Variants in ST7 observed in about 807,000 individuals in gnomAD.
ST7 encodes the protein suppression of tumorigenicity 7.
ST7 carries 28 observed loss-of-function variants against 78.7 expected under a neutral mutation model. That is an observed-to-expected ratio of 0.36 (90% confidence interval 0.26 to 0.49). The LOEUF is 0.49. Ranked by LOEUF, ST7 falls within the 20% of genes least tolerant of loss-of-function variation. The pLI is 0.99. For missense variants in ST7, 418 were observed against 696.0 expected (o/e 0.60, Z 4.49); for synonymous variants, 247 against 249.6 (o/e 0.99, Z 0.10).
intron 15 of ST7, among the ~76,000 whole-genome samples, 162 bp from the exon 16 acceptor site, chr7:117,229,600 T>C (rs1563185521): frequency 6.6e-6 from 1 of 152,216 alleles, no homozygotes; most frequent in East Asian, 1.9e-4. Context: ...AATGCAGGTT[T>C]GACCATCAGC....
intron 1 of ST7, among the ~76,000 whole-genome samples, chr7:117,031,816 ATATATCTATATC>A (rs71148360): frequency 0.5 from 19,882 of 40,090 alleles, 4,858 homozygotes; most frequent in Non-Finnish European, 0.53. Flanking sequence ...ATATATATGC[ATATATCTATATC>A]TATATCTATA....
chr7:117,046,656 T>G (rs1797507520), intron 1 of ST7, among the ~76,000 whole-genome samples: 1 of 152,148 alleles, frequency 6.6e-6, no homozygotes, highest in South Asian at 2.1e-4. Context: ...CTATACCATA[T>G]AACAAGTAAA....
chr7:117,002,913 C>T (rs1194885853), intron 1 of ST7, among the ~76,000 whole-genome samples: 2 of 138,572 alleles, frequency 1.4e-5, no homozygotes, highest in Non-Finnish European at 3.0e-5. Flanking sequence ...AACTCTGCCT[C>T]CCAGGTTCAA....
rs565594551 is a variant in ST7 at position 117,161,014 on chromosome 7, A to C, written c.964-9848A>C. On this transcript the variant is annotated intron_variant, in intron 9 of 15. Transcript: ENST00000323984. ...AGTTATTATCTTGATATTATTATAG[A>C]ATTCAAGTACAGAGTATTAAAATCT... Among the ~76,000 whole-genome samples the C allele has an allele frequency of 5.3e-5, 8 of 152,288 alleles. 1 individual carries two copies. The South Asian group carries it at 1.7e-3, about 32-fold the overall frequency.
At chr7:117,012,645 A>G (rs1795434462) in intron 1 of ST7, among the ~76,000 whole-genome samples, 1 of 152,030 alleles carries the variant, frequency 6.6e-6, no homozygotes, top group Non-Finnish European at 1.5e-5. Context: ...AAGATAATCT[A>G]TCTAGTAAGT....
intron 1 of ST7, among the ~76,000 whole-genome samples, chr7:117,005,071 A>G (rs1795100736): frequency 1.3e-5 from 2 of 152,214 alleles, no homozygotes; most frequent in Non-Finnish European, 2.9e-5. Context: ...GTTCCTTATG[A>G]TATCATCTGT....
intron 9 of ST7, among the ~76,000 whole-genome samples, chr7:117,151,380 T>A (rs1806235201): frequency 6.6e-6 from 1 of 152,174 alleles, no homozygotes; most frequent in Non-Finnish European, 1.5e-5. Flanking sequence ...GCTTGCTTGA[T>A]CCTTTCTTAG....
chr7:116,973,812 C>T (rs1385784083), intron 1 of ST7, among the ~76,000 whole-genome samples: 1 of 152,072 alleles, frequency 6.6e-6, no homozygotes, highest in Non-Finnish European at 1.5e-5. Flanking sequence ...TGTAGATATA[C>T]TTAATTTAAT....
intron 1 of ST7, among the ~76,000 whole-genome samples, chr7:117,034,037 C>G (rs920708458): frequency 3.3e-5 from 5 of 152,084 alleles, no homozygotes; most frequent in African/African-American, 9.7e-5. Context: ...AACCTCTGGG[C>G]TCTTGGTGAT....
intron 10 of ST7, among the ~76,000 whole-genome samples, chr7:117,172,141 CTG>C (rs1228205261): frequency 6.6e-6 from 1 of 151,976 alleles, no homozygotes; most frequent in Admixed American, 6.6e-5. Context: ...TTTGTAGAGA[CTG>C]GTTATCGTTA....
chr7:117,113,448 G>A (rs1802596341), intron 2 of ST7, among the ~76,000 whole-genome samples: 1 of 152,122 alleles, frequency 6.6e-6, no homozygotes, highest in African/African-American at 2.4e-5. Flanking sequence ...GGAAAAGAAA[G>A]AGAGAAGAGG....
At chr7:117,154,992 G>A (rs1209487450) in intron 9 of ST7, among the ~76,000 whole-genome samples, 1 of 152,096 alleles carries the variant, frequency 6.6e-6, no homozygotes. Flanking sequence ...CACCAGGACA[G>A]ACAACATCCC....
chr7:117,081,214 A>G (rs1363255558), intron 1 of ST7: 1 of 152,178 alleles, frequency 6.6e-6, no homozygotes, highest in Non-Finnish European at 1.5e-5. Context: ...GGACTTTAAC[A>G]TGTAGAAACT....
At chr7:116,967,237 G>A in intron 1 of ST7, 1 of 468,816 alleles carries the variant, frequency 2.1e-6, no homozygotes, top group South Asian at 1.6e-5. Flanking sequence ...TAGTAATTCT[G>A]AGCCTGTTCT....
chr7:117,209,865 G>A lies in ST7; in HGVS notation c.1333G>A (p.Ala445Thr), dbSNP rs749037571. ...KRGDSEAIAYAFFHLAHWKRV... is the reference protein window; with the variant it reads ...KRGDSEAIAYTFFHLAHWKRV... ...AGGAGACAGTGAAGCAATAGCATATGCATTCTTTCATCTTGCACACTGGAA... is the reference window on the plus strand; with the variant it reads ...AGGAGACAGTGAAGCAATAGCATATACATTCTTTCATCTTGCACACTGGAA... Residue 445 changes from alanine to threonine, a missense_variant, in exon 13 of 16, where the codon GCA becomes ACA. Transcript: ENST00000323984. 1.2e-6 allele frequency: 2 copies of A among 1,614,102 alleles called. No homozygotes were observed. The highest frequency in any genetic ancestry group is 1.1e-5 in the South Asian group (1 of 91,088).
intron 1 of ST7, among the ~76,000 whole-genome samples, chr7:117,011,866 T>C (rs1279447998): frequency 6.6e-6 from 1 of 152,140 alleles, no homozygotes; most frequent in African/African-American, 2.4e-5. Flanking sequence ...GAGATGGAGA[T>C]AGAGAAAATT....
At chr7:117,079,649 G>T (rs1476390650) in intron 1 of ST7, among the ~76,000 whole-genome samples, 1 of 152,038 alleles carries the variant, frequency 6.6e-6, no homozygotes, top group Non-Finnish European at 1.5e-5. Flanking sequence ...TCCTGCTTTA[G>T]AAAATAGCCT....
intron 1 of ST7, among the ~76,000 whole-genome samples, chr7:117,039,864 C>T (rs906335504): frequency 1.1e-4 from 17 of 152,208 alleles, no homozygotes; most frequent in African/African-American, 3.4e-4. Flanking sequence ...CTTCTGTAGT[C>T]GCAAATCAGA....
At chr7:117,081,241 A>C (rs919246128) in intron 1 of ST7, among the ~76,000 whole-genome samples, 2 of 152,180 alleles carry the variant, frequency 1.3e-5, no homozygotes, top group South Asian at 4.1e-4. Flanking sequence ...GCTACTGTTT[A>C]GTGTGCTCAT....
Sources: allele counts gnomAD v4.1 joint callset (sites outside exome capture counted in the v4.1 genomes callset), GRCh38; gene constraint gnomAD v4.1.1; transcripts MANE v1.5; gene names NCBI Gene and HGNC (gene_info 2026-07-23, HGNC 2026-07-21).